The following DNHD1 variants were observed in gnomAD, a reference collection of about 807,000 sequenced individuals.
The protein encoded by DNHD1 is dynein heavy chain domain-containing protein 1.
Under a neutral mutation model 458.1 loss-of-function variants are expected in DNHD1, and 383 were observed. The observed-to-expected ratio is 0.84, with a 90% CI of 0.77 to 0.91. DNHD1 has a LOEUF of 0.91. Ranked by LOEUF, DNHD1 falls within the 40% of genes least tolerant of loss-of-function variation. The probability of loss-of-function intolerance (pLI) is 0.00; values close to 1 mark genes in which losing one functional copy is unlikely to be tolerated. For missense variants in DNHD1, 5,336 were observed against 5,866.1 expected, an observed-to-expected ratio of 0.91 and a Z score of 2.95; for synonymous variants, 2,203 against 2,376.9, an observed-to-expected ratio of 0.93 and a Z score of 2.13.
Position 6,497,969 on chromosome 11 carries a change from A to C in DNHD1, c.-247A>C. On this transcript the variant is annotated 5_prime_UTR_variant, in exon 3 of 43. Coordinates refer to ENST00000254579, the MANE Select transcript of DNHD1 (RefSeq NM_144666.3). ...GCAGTAGGGAGGGCCTGAGGGTCTCAGGAAAGGCTCTCTGCTGGTCTGGCT... is the reference window on the plus strand; with the variant it reads ...GCAGTAGGGAGGGCCTGAGGGTCTCCGGAAAGGCTCTCTGCTGGTCTGGCT... 1.8e-6 allele frequency: 1 copy of C among 555,474 alleles called. No individual in the cohort carries two copies. The highest frequency in any genetic ancestry group is 3.2e-6 in the Non-Finnish European group (1 of 311,748). 34.4% of individuals were successfully genotyped at this position (555,474 alleles called of 1,614,324 possible). A position where few individuals can be genotyped will look rare whatever the true frequency, so the allele number is the denominator to read the frequency against.
chr11:6,535,410 C>T (rs953111793), intron 14 of DNHD1, among the ~76,000 whole-genome samples: 1 of 152,150 alleles, frequency 6.6e-6, no homozygotes, highest in African/African-American at 2.4e-5. Context: ...TAACAAACAC[C>T]ATTCCCCATT....
intron 14 of DNHD1, among the ~76,000 whole-genome samples, chr11:6,534,494 G>A (rs1249768365): frequency 1.3e-5 from 2 of 152,118 alleles, no homozygotes; most frequent in East Asian, 1.9e-4. Context: ...CTTATAGAAC[G>A]TAGCCTTTTT....
intron 4 of DNHD1, among the ~76,000 whole-genome samples, chr11:6,506,753 C>T (rs1224686734): frequency 6.6e-6 from 1 of 152,150 alleles, no homozygotes; most frequent in East Asian, 1.9e-4. Context: ...TCTCCCTTTG[C>T]CTGTTCTTTT....
intron 7 of DNHD1, among the ~76,000 whole-genome samples, chr11:6,518,945 A>G (rs1852546814): frequency 1.3e-5 from 2 of 152,202 alleles, no homozygotes; most frequent in South Asian, 2.1e-4. Context: ...AAAGCAGGGA[A>G]GACAAAGGAT....
Position 6,521,148 on chromosome 11 carries a change from A to G in DNHD1, c.1837+859A>G, listed in dbSNP as rs550243345. On this transcript the variant is annotated intron_variant, in intron 10 of 42. Transcript: ENST00000254579. ...AGACTCATTAGTTTACTAGTCTGCAAAGTGGGAATAACAAACATACCTAAC... is the reference window on the plus strand; with the variant it reads ...AGACTCATTAGTTTACTAGTCTGCAGAGTGGGAATAACAAACATACCTAAC... 1.6e-4 allele frequency among the ~76,000 whole-genome samples: 24 copies of G among 152,358 alleles called. No individual in the cohort carries two copies. In the South Asian group the frequency reaches 4.3e-3, roughly 28 times the overall value.
rs1332222352 is a variant in DNHD1 at position 6,556,805 on chromosome 11, G to C, written c.7510G>C (p.Val2504Leu). 6.4e-7 allele frequency: 1 copy of C among 1,551,646 alleles called. No individual in the cohort carries two copies. The highest frequency in any genetic ancestry group is 1.4e-5 in the African/African-American group (1 of 73,166). The change falls in exon 25 of 43, where the codon GTC becomes CTC. Residue 2504 changes from valine (V) to leucine (L), a missense_variant. Val to Leu is a conservative substitution (Grantham distance 32). Transcript: ENST00000254579. ...GCCTACAGTCAACTTCCTTGCCACT[G>C]TCACAGTGCCAGGATACTGTGAGCG... ...LQPTVNFLAT[V>L]TVPGYCERPL...
rs772501541 is a variant in DNHD1, at chr11:6,544,989, T to C, written c.4050T>C (p.Tyr1350=). The C allele has an allele frequency of 6.4e-6, 10 of 1,551,610 alleles. 1 individual carries two copies. Among genetic ancestry groups the C allele is most frequent in the South Asian group, 4.8e-5 (4 of 84,066 alleles). The change falls in exon 21 of 43, where the codon TAT becomes TAC. Residue 1350 remains tyrosine (Y), a synonymous_variant. Transcript: ENST00000254579. The stretch of plus-strand genomic sequence containing the variant: ...TCATGAGTCTGGAGAGCGTGCTCTA[T>C]GGGGTGTGTGCTCACTTCCCCCGCC... ...GIIMSLESVL[Y]GVCAHFPRLF...
Position 6,547,502 on chromosome 11 carries a change from C to A in DNHD1, c.6563C>A (p.Ala2188Glu). ...LNHMAEVLVP[A>E]TLRFLTCQGV... The stretch of plus-strand genomic sequence containing the variant: ...CACATGGCTGAGGTTCTGGTGCCTG[C>A]AACATTGCGATTCCTCACCTGCCAA... The change falls in exon 21 of 43, where the codon GCA becomes GAA. Residue 2188 changes from alanine (A) to glutamate (E), a missense_variant. Transcript: ENST00000254579. 6.4e-7 allele frequency: 1 copy of A among 1,550,968 alleles called. No individual in the cohort carries two copies. The highest frequency in any genetic ancestry group is 8.7e-7 in the Non-Finnish European group (1 of 1,146,340).
In DNHD1 at chr11:6,567,195, G is replaced by A; in HGVS notation, c.11686G>A (p.Glu3896Lys). 1 of 1,614,030 alleles carries A rather than the reference G, an allele frequency of 6.2e-7. No homozygotes were observed. Among genetic ancestry groups the A allele is most frequent in the African/African-American group, 1.3e-5 (1 of 75,068 alleles). ...GGCTCTGGACAGCATGAAGCCACGT[G>A]AGATTAATCACGGGGAGGACCTGGC... ...KQALDSMKPR[E>K]INHGEDLASH... Residue 3896 changes from glutamate to lysine, a missense_variant, in exon 36 of 43, where the codon GAG (glutamate) becomes AAG (lysine). Physicochemically the swap from Glu to Lys is moderately conservative, Grantham distance 56 (BLOSUM62 1). Around this residue, in one of 4 missense-constraint regions of DNHD1, gnomAD observed 695 missense variants for 804.2 expected, o/e 0.86. Transcript: ENST00000254579.
chr11:6,540,339 G>T (rs1853072757), intron 18 of DNHD1, among the ~76,000 whole-genome samples: 1 of 152,084 alleles, frequency 6.6e-6, no homozygotes, highest in South Asian at 2.1e-4. Flanking sequence ...CCCCTTTCTG[G>T]GTACCCTCAG....
At position 6,571,696 on chromosome 11, in the gene DNHD1, G is replaced by T; in HGVS notation, c.13972G>T (p.Val4658Phe). 6.2e-7 allele frequency: 1 copy of T among 1,611,880 alleles called. No homozygotes were observed. Among genetic ancestry groups the T allele is most frequent in the Non-Finnish European group, 8.5e-7 (1 of 1,179,006 alleles). Residue 4658 changes from valine to phenylalanine, a missense_variant, in exon 43 of 43, where the codon GTC becomes TTC. Transcript: ENST00000254579. The surrounding 1 kb of genome is among the most constrained non-coding windows in gnomAD (Gnocchi z 5.0). ...AGGGCTGCTGCTGATCGGGCTACAG[G>T]TCCTACATGCGGAGTGGGACCCAAT... ...ERGLLLIGLQ[V>F]LHAEWDPIAG...
intron 4 of DNHD1, among the ~76,000 whole-genome samples, chr11:6,508,036 A>T (rs1413473504): frequency 1.3e-5 from 2 of 152,316 alleles, no homozygotes; most frequent in East Asian, 3.9e-4. Context: ...AGGACTTAGG[A>T]TACAGCTTTT....
intron 38 of DNHD1, 44 bp from the exon 39 acceptor site, chr11:6,568,621 G>T: frequency 6.2e-7 from 1 of 1,613,804 alleles, no homozygotes; most frequent in Non-Finnish European, 8.5e-7. Context: ...GGAAGTGGGA[G>T]GGCAACTGTG....
Position 6,545,185 on chromosome 11 carries a change from C to G in DNHD1, c.4246C>G (p.Gln1416Glu), listed in dbSNP as rs1300018306. The G allele has an allele frequency of 2.6e-6, 4 of 1,551,892 alleles. No individual in the cohort carries two copies. The highest frequency in any genetic ancestry group is 1.2e-5 in the South Asian group (1 of 84,060). Reference sequence around the variant, plus strand: ...TGACTGGGAGTCAAGCCCAAACACACAGACTCAGGTGGAGGCACTTGCAGT... The same window carrying G: ...TGACTGGGAGTCAAGCCCAAACACAGAGACTCAGGTGGAGGCACTTGCAGT... Reference protein sequence around the residue: ...TDDWESSPNTQTQVEALAVLG... With the variant: ...TDDWESSPNTETQVEALAVLG... Residue 1416 changes from glutamine (Q) to glutamate (E), a missense_variant, in exon 21 of 43, where the codon CAG becomes GAG. This residue lies in a region of DNHD1 where 3,932 missense variants were observed against 4,365.6 expected (regional missense o/e 0.90). Transcript: ENST00000254579. This position sits in a 1 kb window ranked among gnomAD's most constrained non-coding sequence, Gnocchi z 4.9.
At position 6,500,586 on chromosome 11, in the gene DNHD1, GGA is replaced by G. The variant is rs1852113034; in HGVS notation, c.746+1628_746+1629del. ...CCTTGAGTACAAGTTTCCTTTCCTGGGAGAACTTGACTGAATTGGCATGGGCT... is the reference window on the plus strand; with the variant it reads ...CCTTGAGTACAAGTTTCCTTTCCTGGGAACTTGACTGAATTGGCATGGGCT... On this transcript the variant is annotated intron_variant, in intron 3 of 42. Transcript: ENST00000254579. Among the ~76,000 whole-genome samples the G allele has an allele frequency of 2.6e-5, 4 of 152,320 alleles. No homozygotes were observed. The South Asian group carries it at 8.3e-4, about 32-fold the overall frequency.
chr11:6,509,278 G>T lies in DNHD1; in HGVS notation c.1235+6G>T, dbSNP rs1852290623. The T allele has an allele frequency of 6.2e-7, 1 of 1,604,826 alleles. No homozygotes were observed. The highest frequency in any genetic ancestry group is 8.5e-7 in the Non-Finnish European group (1 of 1,176,774). ...GGGCTACTCCATATTAGCAGGTGAG[G>T]TATTAAAAACACAACTTCATTGAGT... is the stretch of plus-strand genomic sequence containing the variant. On this transcript the variant is annotated splice_donor_region_variant and intron_variant, in intron 6 of 42. Transcript: ENST00000254579.
In DNHD1 at chr11:6,547,137, C is replaced by T. The variant is rs1300980004; in HGVS notation, c.6198C>T (p.Asn2066=). The part of the protein sequence containing the change: ...PKVLRAAGQC[N]NMGQKRQTEE... ...TACTTCGTGCAGCCGGTCAGTGTAA[C>T]AACATGGGCCAAAAGAGGCAGACAG... Residue 2066 remains asparagine, a synonymous_variant, in exon 21 of 43, where the codon AAC becomes AAT. Transcript: ENST00000254579. 2 of 1,551,610 alleles carry T rather than the reference C, an allele frequency of 1.3e-6. No individual in the cohort carries two copies. Among genetic ancestry groups the T allele is most frequent in the Admixed American group, 2.0e-5 (1 of 50,992 alleles).
chr11:6,525,668 T>C (rs1852696188), intron 10 of DNHD1, among the ~76,000 whole-genome samples: 2 of 152,232 alleles, frequency 1.3e-5, no homozygotes, highest in Non-Finnish European at 2.9e-5. Flanking sequence ...TCTGAAGTTC[T>C]TCTATGTTGA....
At chr11:6,520,603 A>T (rs1030078494) in intron 10 of DNHD1, 17 of 1,183,838 alleles carry the variant, frequency 1.4e-5, no homozygotes, top group Admixed American at 3.9e-5. Flanking sequence ...CCATAATTGC[A>T]TTTCATTTAC....
Sources: gnomAD v4.1 joint callset for allele counts (sites outside exome capture counted in the v4.1 genomes callset) on GRCh38, gnomAD v4.1.1 for gene constraint, gnomAD v4.1.1 regional missense constraint, Gnocchi (gnomAD v3.1) non-coding constraint, MANE v1.5 for transcripts, NCBI Gene and HGNC (gene_info 2026-07-23, HGNC 2026-07-21) for gene names.